The following DYNC2I1 variants were observed in gnomAD, a reference collection of about 807,000 sequenced individuals.
DYNC2I1 encodes the protein cytoplasmic dynein 2 intermediate chain 1.
In DYNC2I1, 89 loss-of-function variants were observed where a neutral mutation model predicts 133.4. That is an observed-to-expected ratio of 0.67 (90% CI 0.56 to 0.80). The LOEUF is 0.80. Ranked by LOEUF, DYNC2I1 falls within the 30% of genes least tolerant of loss-of-function variation. The pLI is 0.00. For synonymous variants in DYNC2I1, 504 were observed against 484.3 expected, an observed-to-expected ratio of 1.04 and a Z score of -0.54; for missense variants, 1,291 against 1,314.5, an observed-to-expected ratio of 0.98 and a Z score of 0.28.
At chr7:158,891,473 A>T in intron 8 of DYNC2I1, 140 bp downstream of exon 8, 1 of 921,328 alleles carries the variant, frequency 1.1e-6, no homozygotes, top group Middle Eastern at 2.2e-4. Context: ...GAAGGGACAG[A>T]TGAGATTTTC....
At chr7:158,936,597 C>A (rs946580364) in intron 23 of DYNC2I1, among the ~76,000 whole-genome samples, 4 of 152,248 alleles carry the variant, frequency 2.6e-5, no homozygotes, top group Non-Finnish European at 5.9e-5. Context: ...GGAAGAAATA[C>A]CCCTGAGGAC....
chr7:158,893,927 C>T (rs1845491941), intron 8 of DYNC2I1, among the ~76,000 whole-genome samples: 1 of 151,918 alleles, frequency 6.6e-6, no homozygotes, highest in African/African-American at 2.4e-5. Context: ...TACCATCTAT[C>T]ATAGTGCTTA....
At chr7:158,923,523 G>A in intron 16 of DYNC2I1, 48 bp from the exon 17 acceptor site, 1 of 1,613,624 alleles carries the variant, frequency 6.2e-7, no homozygotes, top group Non-Finnish European at 8.5e-7. Flanking sequence ...GTGTTAGCAT[G>A]CTTCTCATAT....
At chr7:158,867,264 C>G (rs192837033) in intron 1 of DYNC2I1, among the ~76,000 whole-genome samples, 1 of 151,754 alleles carries the variant, frequency 6.6e-6, no homozygotes, top group Admixed American at 6.6e-5. Context: ...CGTGGTGATA[C>G]GCGGTTAGGT....
At chr7:158,902,292 A>C (rs1585092143) in intron 9 of DYNC2I1, 84 bp from the exon 10 acceptor site, 2 of 1,107,010 alleles carry the variant, frequency 1.8e-6, no homozygotes, top group East Asian at 4.8e-5. Flanking sequence ...TTTAAGTTAT[A>C]AAGTGTCATG....
At chr7:158,867,593 G>A (rs2129476979) in intron 1 of DYNC2I1, among the ~76,000 whole-genome samples, 1 of 152,268 alleles carries the variant, frequency 6.6e-6, no homozygotes, top group East Asian at 1.9e-4. Flanking sequence ...CCTTGCCTTA[G>A]AGCACAGTCA....
chr7:158,901,550 G>A (rs558771883), intron 8 of DYNC2I1, among the ~76,000 whole-genome samples, 189 bp from the exon 9 acceptor site: 1 of 152,176 alleles, frequency 6.6e-6, no homozygotes. Context: ...TCTCTTTTTG[G>A]TCCTACCTGT....
intron 11 of DYNC2I1, among the ~76,000 whole-genome samples, chr7:158,910,726 G>T (rs775599999): frequency 3.3e-5 from 5 of 151,094 alleles, no homozygotes; most frequent in Non-Finnish European, 5.9e-5. Context: ...GGCGGAGGAC[G>T]ATTAGAGGGC....
intron 21 of DYNC2I1, among the ~76,000 whole-genome samples, chr7:158,931,279 T>C (rs933915075): frequency 3.3e-5 from 5 of 152,330 alleles, no homozygotes; most frequent in Middle Eastern, 3.4e-3. Context: ...AAGTATCTTT[T>C]CTTGTCATTT....
intron 23 of DYNC2I1, among the ~76,000 whole-genome samples, chr7:158,939,734 C>G (rs530985738): frequency 3.7e-4 from 57 of 152,110 alleles, no homozygotes; most frequent in Non-Finnish European, 6.9e-4. Flanking sequence ...AAATTCACTT[C>G]ACCTATAAAG....
At chr7:158,874,828 G>A (rs925364915) in intron 3 of DYNC2I1, among the ~76,000 whole-genome samples, 2 of 152,172 alleles carry the variant, frequency 1.3e-5, no homozygotes, top group Admixed American at 6.5e-5. Context: ...GAAGTCTAAT[G>A]GGTAATACAA....
intron 4 of DYNC2I1, 103 bp from the exon 5 acceptor site, chr7:158,879,581 C>A (rs924910): frequency 1.6e-6 from 2 of 1,221,002 alleles, no homozygotes; most frequent in Non-Finnish European, 2.2e-6. Flanking sequence ...GTTTTTGATC[C>A]GTGGTTGGTT....
At chr7:158,897,624 A>G (rs10235683) in intron 8 of DYNC2I1, among the ~76,000 whole-genome samples, 42,444 of 151,960 alleles carry the variant, frequency 0.28, 7,705 homozygotes, top group East Asian at 0.56. Context: ...ATTTGGATCC[A>G]CTTTCTTTTT....
At chr7:158,901,345 T>G (rs1351003184) in intron 8 of DYNC2I1, among the ~76,000 whole-genome samples, 2 of 152,198 alleles carry the variant, frequency 1.3e-5, no homozygotes, top group Admixed American at 6.5e-5. Flanking sequence ...GTGCTGGGAT[T>G]AAAGGTGTGA....
intron 4 of DYNC2I1, among the ~76,000 whole-genome samples, chr7:158,954,823 G>C (rs262144): frequency 0.91 from 138,174 of 152,260 alleles, 62,856 homozygotes; most frequent in East Asian, 1. Context: ...TCAGGACATG[G>C]AGAGTAAATC....
chr7:158,919,496 G>A (rs533880351), intron 15 of DYNC2I1, among the ~76,000 whole-genome samples: 35 of 152,294 alleles, frequency 2.3e-4, no homozygotes, highest in African/African-American at 8.2e-4. Flanking sequence ...AGTGGCTGTC[G>A]GGTACCGGAG....
At chr7:158,952,122 C>CT (rs1468297464) in intron 4 of DYNC2I1, among the ~76,000 whole-genome samples, 1 of 152,174 alleles carries the variant, frequency 6.6e-6, no homozygotes, top group African/African-American at 2.4e-5. Context: ...GAAGAATCCA[C>CT]CAGCAGAAGA....
chr7:158,893,760 G>A (rs2129482656), intron 8 of DYNC2I1, among the ~76,000 whole-genome samples: 1 of 148,668 alleles, frequency 6.7e-6, no homozygotes, highest in South Asian at 2.2e-4. Context: ...ATATCATAGT[G>A]CATATCCTAC....
At chr7:158,902,663 G>A (rs960317020) in intron 10 of DYNC2I1, 68 bp downstream of exon 10, 21 of 1,404,736 alleles carry the variant, frequency 1.5e-5, no homozygotes, top group Non-Finnish European at 1.6e-5. Flanking sequence ...CCTCACAGAT[G>A]CTGTCACACA....
Sources: gnomAD v4.1 joint callset for allele counts (sites outside exome capture counted in the v4.1 genomes callset) on GRCh38, gnomAD v4.1.1 for gene constraint, MANE v1.5 for transcripts, NCBI Gene and HGNC (gene_info 2026-07-23, HGNC 2026-07-21) for gene names.